The following EEF1AKMT1 variants were observed in gnomAD, a reference collection of about 807,000 sequenced individuals.
EEF1AKMT1 encodes the protein N-6 adenine-specific DNA methyltransferase 2 (putative).
A neutral mutation model predicts 21.0 loss-of-function variants in EEF1AKMT1; 18 were observed. That is an observed-to-expected ratio of 0.86 (90% CI 0.59 to 1.27). The LOEUF (loss-of-function observed/expected upper bound fraction) is 1.27. EEF1AKMT1 is among the 50% of genes most tolerant of loss of function. The pLI, the probability that EEF1AKMT1 is intolerant of heterozygous loss-of-function variation, is 0.00. For synonymous variants in EEF1AKMT1, 109 were observed against 94.8 expected (o/e 1.15, Z -0.87); for missense variants, 246 against 258.6 (o/e 0.95, Z 0.33).
chr13:20,765,757 T>C (rs754936785), intron 1 of EEF1AKMT1, among the ~76,000 whole-genome samples: 1 of 151,982 alleles, frequency 6.6e-6, no homozygotes. Context: ...CTTTCATATA[T>C]GTTTCTTGAA....
intron 1 of EEF1AKMT1, among the ~76,000 whole-genome samples, chr13:20,772,691 G>A (rs1426783574): frequency 6.6e-6 from 1 of 152,186 alleles, no homozygotes; most frequent in Non-Finnish European, 1.5e-5. Context: ...AAAAGGTAAG[G>A]ATGAAGAGTG....
At chr13:20,757,063 C>T (rs968950661) in intron 2 of EEF1AKMT1, among the ~76,000 whole-genome samples, 4 of 152,164 alleles carry the variant, frequency 2.6e-5, no homozygotes, top group Non-Finnish European at 5.9e-5. Context: ...AACCGCCGAA[C>T]GTGGGTACGA....
At chr13:20,744,491 G>A (rs889732015) in intron 2 of EEF1AKMT1, among the ~76,000 whole-genome samples, 9 of 152,270 alleles carry the variant, frequency 5.9e-5, no homozygotes, top group Admixed American at 2.0e-4. Flanking sequence ...CTTTCCTTTC[G>A]AGAAGTGTCT....
intron 3 of EEF1AKMT1, 23 bp from the exon 4 acceptor site, chr13:20,732,144 C>T (rs2141410643): frequency 2.5e-6 from 4 of 1,588,584 alleles, no homozygotes; most frequent in Non-Finnish European, 3.4e-6. Flanking sequence ...ATGAACACAC[C>T]ATGAAACATC....
intron 1 of EEF1AKMT1, among the ~76,000 whole-genome samples, chr13:20,765,204 T>C (rs1395364563): frequency 6.6e-6 from 1 of 151,926 alleles, no homozygotes; most frequent in African/African-American, 2.4e-5. Context: ...GAGGTTACAG[T>C]GAGCGAGATC....
chr13:20,739,026 G>A (rs1445209052), intron 2 of EEF1AKMT1, among the ~76,000 whole-genome samples: 2 of 152,118 alleles, frequency 1.3e-5, no homozygotes, highest in African/African-American at 4.8e-5. Context: ...CCTTCCTTCT[G>A]ATGTTCAGAC....
chr13:20,766,631 G>A (rs150728090), intron 1 of EEF1AKMT1, among the ~76,000 whole-genome samples: 4,020 of 152,066 alleles, frequency 0.026, 182 homozygotes, highest in African/African-American at 0.092. Context: ...AGACTAGCCT[G>A]ACCAATATGG....
intron 3 of EEF1AKMT1, among the ~76,000 whole-genome samples, chr13:20,733,813 C>T (rs534639621): frequency 4.6e-5 from 7 of 152,190 alleles, no homozygotes; most frequent in Non-Finnish European, 1.0e-4. Flanking sequence ...TGTGCATACA[C>T]TGTCATTCAA....
intron 1 of EEF1AKMT1, among the ~76,000 whole-genome samples, chr13:20,765,652 C>T (rs1055922082): frequency 6.6e-6 from 1 of 151,964 alleles, no homozygotes; most frequent in Non-Finnish European, 1.5e-5. Flanking sequence ...ACCTCGTGAT[C>T]CACCTGCCTT....
intron 2 of EEF1AKMT1, 179 bp downstream of exon 2, chr13:20,757,276 A>G (rs2058976491): frequency 3.6e-6 from 2 of 553,458 alleles, no homozygotes; most frequent in African/African-American, 1.9e-5. Flanking sequence ...AAAAGCTGTT[A>G]CACTGTTCTA....
At chr13:20,749,622 C>T (rs1358959646) in intron 2 of EEF1AKMT1, among the ~76,000 whole-genome samples, 1 of 152,056 alleles carries the variant, frequency 6.6e-6, no homozygotes, top group African/African-American at 2.4e-5. Flanking sequence ...TGTGTATAAT[C>T]CCAGCTACTC....
chr13:20,732,177 TAAC>T, intron 3 of EEF1AKMT1, 56 bp from the exon 4 acceptor site: 1 of 1,531,568 alleles, frequency 6.5e-7, no homozygotes, highest in Non-Finnish European at 8.8e-7. Context: ...ATTACGGTGT[TAAC>T]AACTTCTTCA....
chr13:20,740,300 C>G (rs140235200), intron 2 of EEF1AKMT1, among the ~76,000 whole-genome samples: 288 of 152,326 alleles, frequency 1.9e-3, no homozygotes, highest in African/African-American at 6.7e-3. Context: ...CAGTTTCCGC[C>G]CACGTCTCTC....
chr13:20,756,263 C>T (rs374695586), intron 2 of EEF1AKMT1, among the ~76,000 whole-genome samples: 1 of 151,956 alleles, frequency 6.6e-6, no homozygotes, highest in East Asian at 1.9e-4. Flanking sequence ...TGTTTCCCAA[C>T]TATTTCCTTT....
At chr13:20,769,652 CA>C (rs1347730272) in intron 1 of EEF1AKMT1, among the ~76,000 whole-genome samples, 2 of 152,040 alleles carry the variant, frequency 1.3e-5, no homozygotes, top group Non-Finnish European at 2.9e-5. Context: ...ATCAAAAAAA[CA>C]TAACAAAAAC....
At chr13:20,743,521 C>A (rs928629023) in intron 2 of EEF1AKMT1, among the ~76,000 whole-genome samples, 4 of 151,300 alleles carry the variant, frequency 2.6e-5, no homozygotes, top group Non-Finnish European at 4.4e-5. Flanking sequence ...CCTTGACTTC[C>A]CCTCCACCTC....
intron 1 of EEF1AKMT1, among the ~76,000 whole-genome samples, chr13:20,762,720 C>A (rs1566538254): frequency 6.6e-6 from 1 of 152,108 alleles, no homozygotes; most frequent in East Asian, 1.9e-4. Context: ...CACTCTGGTG[C>A]CCAGGCTGGT....
intron 2 of EEF1AKMT1, among the ~76,000 whole-genome samples, chr13:20,751,268 T>TCCCTTATG (rs2058938675): frequency 6.6e-6 from 1 of 152,188 alleles, no homozygotes; most frequent in South Asian, 2.1e-4. Context: ...CTGAAGTGTG[T>TCCCTTATG]CCCTTATGTT....
chr13:20,765,019 T>C (rs1372953595), intron 1 of EEF1AKMT1, among the ~76,000 whole-genome samples: 2 of 151,924 alleles, frequency 1.3e-5, no homozygotes, highest in East Asian at 3.9e-4. Flanking sequence ...CCCAGCACTT[T>C]GAGAGGCTGA....
Sources: gnomAD v4.1 joint callset for allele counts (sites outside exome capture counted in the v4.1 genomes callset) on GRCh38, gnomAD v4.1.1 for gene constraint, MANE v1.5 for transcripts, NCBI Gene and HGNC (gene_info 2026-07-23, HGNC 2026-07-21) for gene names.